The following DLG2 variants were observed in gnomAD, a reference collection of about 807,000 sequenced individuals.
DLG2 encodes disks large homolog 2.
In DLG2, 45 loss-of-function variants were observed where a neutral mutation model predicts 132.5. That is an observed-to-expected ratio of 0.34 (90% CI 0.27 to 0.44). The LOEUF (loss-of-function observed/expected upper bound fraction) is 0.44, where lower values mean the gene tolerates loss of function less well. Ranked by LOEUF, DLG2 falls within the 20% of genes least tolerant of loss-of-function variation. The pLI is 1.00. For synonymous variants in DLG2, 424 were observed against 419.6 expected (o/e 1.01, Z -0.13); for missense variants, 1,045 against 1,196.9 (o/e 0.87, Z 1.87).
At chr11:84,154,513 T>C (rs1335156073) in intron 9 of DLG2, among the ~76,000 whole-genome samples, 1 of 152,190 alleles carries the variant, frequency 6.6e-6, no homozygotes, top group African/African-American at 2.4e-5. Context: ...TAGATACTTT[T>C]AATACTTTAA....
chr11:84,797,477 C>A (rs146786890), intron 6 of DLG2, among the ~76,000 whole-genome samples: 1 of 152,102 alleles, frequency 6.6e-6, no homozygotes, highest in African/African-American at 2.4e-5. Context: ...CTCACGATTT[C>A]TTTCTTCTTT....
At chr11:85,479,196 T>C (rs1228227491) in intron 3 of DLG2, among the ~76,000 whole-genome samples, 1 of 152,238 alleles carries the variant, frequency 6.6e-6, no homozygotes, top group Non-Finnish European at 1.5e-5. Flanking sequence ...TCAAAGACTC[T>C]GACTTATGAA....
chr11:83,823,149 T>C (rs1396961596), intron 17 of DLG2, among the ~76,000 whole-genome samples: 1 of 146,836 alleles, frequency 6.8e-6, no homozygotes, highest in Non-Finnish European at 1.5e-5. Context: ...CCCAAACAAA[T>C]TGGACTAAAA....
chr11:85,047,512 G>T lies in DLG2; in HGVS notation c.357+64149C>A, dbSNP rs188369191. ...ACTTCATAGCTTTTGGAGTGAGAAG[G>T]TTTAGCCTCAATGAACATGTGGGCC... On this transcript the variant is annotated intron_variant, in intron 6 of 27. Coordinates refer to ENST00000376104, the MANE Select transcript of DLG2 (RefSeq NM_001142699.3). 9.5e-4 allele frequency among the ~76,000 whole-genome samples: 144 copies of T among 151,856 alleles called. 3 individuals are homozygous for T. Among genetic ancestry groups the T allele is most frequent in the Admixed American group, 7.3e-3 (111 of 15,224 alleles).
At chr11:84,090,141 C>A (rs538527123) in intron 10 of DLG2, among the ~76,000 whole-genome samples, 1 of 152,074 alleles carries the variant, frequency 6.6e-6, no homozygotes, top group African/African-American at 2.4e-5. Flanking sequence ...TGGCCAGGCG[C>A]GGTGGCTCAC....
At chr11:85,487,791 C>T (rs1342680317) in intron 3 of DLG2, among the ~76,000 whole-genome samples, 2 of 152,146 alleles carry the variant, frequency 1.3e-5, no homozygotes, top group African/African-American at 2.4e-5. Flanking sequence ...GACATTTAGA[C>T]ATACAGATAC....
At chr11:85,444,920 A>T (rs754333669) in intron 3 of DLG2, among the ~76,000 whole-genome samples, 5 of 152,250 alleles carry the variant, frequency 3.3e-5, no homozygotes, top group Non-Finnish European at 7.3e-5. Context: ...ACCATTGCTG[A>T]GAAGATTTAT....
intron 6 of DLG2, among the ~76,000 whole-genome samples, chr11:84,775,997 G>T (rs1286528273): frequency 6.6e-6 from 1 of 152,146 alleles, no homozygotes; most frequent in Non-Finnish European, 1.5e-5. Context: ...ATATCTTATT[G>T]CTGGGCTTAT....
intron 9 of DLG2, among the ~76,000 whole-genome samples, chr11:84,101,797 G>A (rs1178937645): frequency 2.6e-5 from 4 of 152,120 alleles, no homozygotes; most frequent in South Asian, 2.1e-4. Flanking sequence ...TGATTAATGA[G>A]AGTAGGGAAG....
At chr11:84,368,286 T>C (rs1342056995) in intron 7 of DLG2, among the ~76,000 whole-genome samples, 3 of 152,178 alleles carry the variant, frequency 2.0e-5, no homozygotes, top group Non-Finnish European at 2.9e-5. Flanking sequence ...TTTAGCTTTT[T>C]TTTCCCAGCA....
chr11:84,916,768 G>A (rs890832754), intron 6 of DLG2, among the ~76,000 whole-genome samples: 1 of 152,148 alleles, frequency 6.6e-6, no homozygotes, highest in Non-Finnish European at 1.5e-5. Flanking sequence ...AGTCCTACAC[G>A]ATCTTTTCAC....
intron 6 of DLG2, among the ~76,000 whole-genome samples, chr11:84,763,691 G>A (rs891765675): frequency 3.3e-5 from 5 of 152,076 alleles, no homozygotes; most frequent in Non-Finnish European, 7.3e-5. Flanking sequence ...AGAAGAAAGA[G>A]GATACACAAA....
intron 3 of DLG2, among the ~76,000 whole-genome samples, chr11:85,537,621 C>T (rs1019745557): frequency 2.6e-5 from 4 of 151,878 alleles, no homozygotes; most frequent in African/African-American, 9.7e-5. Flanking sequence ...TGCAGCTTCA[C>T]TCATGAGGCC....
At chr11:84,775,119 G>T (rs896546250) in intron 6 of DLG2, among the ~76,000 whole-genome samples, 1 of 151,968 alleles carries the variant, frequency 6.6e-6, no homozygotes, top group African/African-American at 2.4e-5. Flanking sequence ...AATGAGAAAA[G>T]GACATGAATA....
At chr11:84,160,292 A>C (rs1434730144) in intron 9 of DLG2, among the ~76,000 whole-genome samples, 1 of 152,158 alleles carries the variant, frequency 6.6e-6, no homozygotes, top group Non-Finnish European at 1.5e-5. Flanking sequence ...GCAGCCATTG[A>C]GGTGGTAAAA....
At chr11:83,965,210 A>C (rs2089919610) in intron 13 of DLG2, 114 bp downstream of exon 13, 10 of 1,181,766 alleles carry the variant, frequency 8.5e-6, no homozygotes, top group Non-Finnish European at 1.2e-5. Flanking sequence ...CCTCTGAAGT[A>C]TTTCCAGAAG....
At chr11:85,049,161 C>T (rs923305504) in intron 6 of DLG2, among the ~76,000 whole-genome samples, 3 of 151,950 alleles carry the variant, frequency 2.0e-5, no homozygotes, top group African/African-American at 7.2e-5. Context: ...TGTCAAAGTT[C>T]ATAGACTTAG....
intron 3 of DLG2, among the ~76,000 whole-genome samples, chr11:85,579,474 G>A (rs2078372941): frequency 6.6e-6 from 1 of 152,134 alleles, no homozygotes; most frequent in African/African-American, 2.4e-5. Context: ...AGTGAACGAA[G>A]TGGTATGTAC....
chr11:84,917,893 A>T (rs141879253), intron 6 of DLG2, among the ~76,000 whole-genome samples: 73 of 152,254 alleles, frequency 4.8e-4, no homozygotes, highest in African/African-American at 1.7e-3. Flanking sequence ...AGGTATCCTA[A>T]AAGAGAGAGT....
Sources: gnomAD v4.1 joint callset for allele counts (sites outside exome capture counted in the v4.1 genomes callset) on GRCh38, gnomAD v4.1.1 for gene constraint, MANE v1.5 for transcripts, NCBI Gene and HGNC (gene_info 2026-07-23, HGNC 2026-07-21) for gene names.